Variants in LDLRAD1 observed in about 807,000 individuals in gnomAD.
LDLRAD1 encodes the protein low density lipoprotein receptor class A domain containing 1, also known as low-density lipoprotein receptor class A domain-containing protein 1.
A neutral mutation model predicts 24.8 loss-of-function variants in LDLRAD1; 17 were observed. That is an observed-to-expected ratio of 0.69 (90% CI 0.47 to 1.03). The LOEUF is 1.03. Among genes scored for constraint, LDLRAD1 ranks in the 50% least tolerant of loss-of-function variants. The pLI is 0.00. For synonymous variants in LDLRAD1, 103 were observed against 108.2 expected, an observed-to-expected ratio of 0.95 and a Z score of 0.30; for missense variants, 277 against 271.0, an observed-to-expected ratio of 1.02 and a Z score of -0.16.
intron 2 of LDLRAD1, 135 bp from the exon 3 acceptor site, chr1:54,014,499 CT>C (rs1464713633): frequency 2.4e-6 from 2 of 838,512 alleles, no homozygotes; most frequent in Non-Finnish European, 3.7e-6. Context: ...GATGGCTTCC[CT>C]GGAGGAGCAG....
rs1320278550 is a variant in LDLRAD1, at chr1:54,010,286, G to A, written c.465C>T (p.Ser155=). 3 of 1,613,966 alleles carry A rather than the reference G, an allele frequency of 1.9e-6. No homozygotes were observed. The African/African-American group carries it at 4.0e-5, about 22-fold the overall frequency. The change falls in exon 5 of 6, where the codon AGC becomes AGT. Residue 155 remains serine (S), a synonymous_variant. Coordinates refer to ENST00000371360, the MANE Select transcript of LDLRAD1 (RefSeq NM_001010978.4). ...AGCCTGTGCCCAGACCCCTACCTGG[G>A]CTCAGTTCATCTGAACAGTCCCCGC... is the stretch of plus-strand genomic sequence containing the variant. ...NNCGDCSDEL[S]PVTVCPPCGP...
chr1:54,014,093 G>A, intron 3 of LDLRAD1, 143 bp downstream of exon 3: 1 of 867,050 alleles, frequency 1.2e-6, no homozygotes, highest in Middle Eastern at 3.6e-4. Flanking sequence ...GCAGGTGTCT[G>A]TGTGTGTCTG....
At position 54,017,444 on chromosome 1, in the gene LDLRAD1, A is replaced by AGTGAGGGGTGGGCTTAG; in HGVS notation, c.22-34_22-18dup. On this transcript the variant is annotated splice_polypyrimidine_tract_variant and intron_variant, in intron 1 of 5. Coordinates refer to ENST00000371360, the MANE Select transcript of LDLRAD1 (RefSeq NM_001010978.4). ...ATTCTCTCCCTGCCCAAGAGAACAG[A>AGTGAGGGGTGGGCTTAG]GTGAGGGGTGGGCTTAGGTGAGGTG... 6.3e-7 allele frequency: 1 copy of AGTGAGGGGTGGGCTTAG among 1,593,762 alleles called. No individual in the cohort carries two copies. The highest frequency in any genetic ancestry group is 1.1e-5 in the South Asian group (1 of 87,972).
chr1:54,014,281 G>C lies in LDLRAD1; in HGVS notation c.157C>G (p.Leu53Val). ...CCAAGAATGGTGACCAAGGCGATGA[G>C]GGCCGCCACAGTTGCCAGGAGGAGC... ...LLLLLATVAA[L>V]IALVTILGLP... Residue 53 changes from leucine (L) to valine (V), a missense_variant, in exon 3 of 6, where the codon CTC (leucine) becomes GTC (valine). Leu to Val is a conservative substitution (Grantham distance 32). Transcript: ENST00000371360. 6.4e-7 allele frequency: 1 copy of C among 1,552,128 alleles called. No homozygotes were observed.
At chr1:54,014,157 G>T (rs1320260447) in intron 3 of LDLRAD1, 79 bp downstream of exon 3, 1 of 1,509,276 alleles carries the variant, frequency 6.6e-7, no homozygotes. Context: ...AGCCAGGCAG[G>T]TCGGGGCTCC....
chr1:54,010,561 G>A, intron 4 of LDLRAD1, 151 bp from the exon 5 acceptor site: 1 of 702,968 alleles, frequency 1.4e-6, no homozygotes, highest in Non-Finnish European at 2.4e-6. Context: ...GGTTTCCTGG[G>A]GAGGTGGTGG....
chr1:54,017,968 C>T, intron 1 of LDLRAD1, 124 bp downstream of exon 1: 2 of 922,472 alleles, frequency 2.2e-6, no homozygotes, highest in Non-Finnish European at 3.6e-6. Context: ...CAGGGCGGCT[C>T]TTACCTGGGG....
intron 2 of LDLRAD1, among the ~76,000 whole-genome samples, chr1:54,014,999 G>A (rs1372300799): frequency 6.6e-6 from 1 of 152,210 alleles, no homozygotes; most frequent in Non-Finnish European, 1.5e-5. Context: ...TGGAAAATGG[G>A]TACCATAATA....
intron 3 of LDLRAD1, 98 bp downstream of exon 3, chr1:54,014,138 T>C (rs1224850506): frequency 7.0e-7 from 1 of 1,425,546 alleles, no homozygotes; most frequent in African/African-American, 1.4e-5. Flanking sequence ...CAAAGTCACC[T>C]GGTGGAGAAG....
intron 2 of LDLRAD1, among the ~76,000 whole-genome samples, chr1:54,016,563 C>A (rs1537321): frequency 0.49 from 74,537 of 151,994 alleles, 18,805 homozygotes; most frequent in East Asian, 0.6. Context: ...TTCCACAACC[C>A]CGCCCATCAT....
intron 2 of LDLRAD1, 42 bp downstream of exon 2, chr1:54,017,334 G>A (rs1292429147): frequency 6.5e-7 from 1 of 1,541,230 alleles, no homozygotes; most frequent in East Asian, 2.4e-5. Context: ...AGCTTCAAGG[G>A]AGCCCCACAG....
chr1:54,017,322 C>G, intron 2 of LDLRAD1, 54 bp downstream of exon 2: 2 of 1,469,804 alleles, frequency 1.4e-6, no homozygotes, highest in Non-Finnish European at 1.9e-6. Context: ...TCGCCAACTG[C>G]CAGCTTCAAG....
intron 5 of LDLRAD1, among the ~76,000 whole-genome samples, 182 bp from the exon 6 acceptor site, chr1:54,009,312 T>C (rs1655950749): frequency 6.6e-6 from 1 of 152,136 alleles, no homozygotes; most frequent in African/African-American, 2.4e-5. Flanking sequence ...GCTCACAGGC[T>C]ATGTGACCTC....
chr1:54,017,148 A>G (rs1159862992), intron 2 of LDLRAD1, among the ~76,000 whole-genome samples: 3 of 152,242 alleles, frequency 2.0e-5, no homozygotes, highest in African/African-American at 7.2e-5. Flanking sequence ...GGTAGGCAGC[A>G]CACAGTAGGT....
At chr1:54,018,019 C>G (rs1656385794) in intron 1 of LDLRAD1, 73 bp downstream of exon 1, 2 of 1,352,720 alleles carry the variant, frequency 1.5e-6, no homozygotes, top group Non-Finnish European at 2.1e-6. Context: ...GGGGACAGCT[C>G]TCACCTGGGG....
chr1:54,017,488 G>T, intron 1 of LDLRAD1, 61 bp from the exon 2 acceptor site: 1 of 1,435,922 alleles, frequency 7.0e-7, no homozygotes, highest in Non-Finnish European at 9.6e-7. Flanking sequence ...CCTCAGGGAG[G>T]CAGACAACAG....
rs78756969 is a variant in LDLRAD1 at position 54,017,744 on chromosome 1, G to A, written c.22-317C>T. 9.2e-5 allele frequency among the ~76,000 whole-genome samples: 14 copies of A among 152,182 alleles called. No individual in the cohort carries two copies. In the East Asian group the frequency reaches 1.2e-3, roughly 13 times the overall value. The stretch of plus-strand genomic sequence containing the variant: ...ACCCTCCTCCCCAGTAAAACTGGCC[G>A]CTCTTCCCTCCTGTCCACCTGGCTC... On this transcript the variant is annotated intron_variant, in intron 1 of 5. Transcript: ENST00000371360.
chr1:54,017,477 G>A (rs1337204715), intron 1 of LDLRAD1, 50 bp from the exon 2 acceptor site: 2 of 1,503,280 alleles, frequency 1.3e-6, no homozygotes, highest in African/African-American at 1.4e-5. Flanking sequence ...GTGAGCTCCA[G>A]CCTCAGGGAG....
intron 2 of LDLRAD1, among the ~76,000 whole-genome samples, chr1:54,015,924 G>A (rs1656286530): frequency 1.3e-5 from 2 of 152,104 alleles, no homozygotes; most frequent in Non-Finnish European, 2.9e-5. Context: ...CGAAGTGCTG[G>A]GATTACAGGT....
Sources: allele counts gnomAD v4.1 joint callset (sites outside exome capture counted in the v4.1 genomes callset), GRCh38; gene constraint gnomAD v4.1.1; transcripts MANE v1.5; gene names NCBI Gene and HGNC (gene_info 2026-07-23, HGNC 2026-07-21).